The following PGD variants were observed in gnomAD, a reference collection of about 807,000 sequenced individuals.
PGD encodes the protein 6-phosphogluconate dehydrogenase, decarboxylating.
In PGD, 21 loss-of-function variants were observed where a neutral mutation model predicts 60.4. That is an observed-to-expected ratio of 0.35 (90% CI 0.25 to 0.50). PGD has a LOEUF of 0.50. PGD is among the 20% of genes least tolerant of loss of function. The pLI is 0.98. For missense variants in PGD, 477 were observed against 613.1 expected (o/e 0.78, Z 2.34); for synonymous variants, 230 against 235.9 (o/e 0.97, Z 0.23).
At chr1:10,418,998 G>GTT (rs560774763) in intron 11 of PGD, 73 bp downstream of exon 11, 1,090 of 671,624 alleles carry the variant, frequency 1.6e-3, no homozygotes, top group South Asian at 2.7e-3. Context: ...TTGGTTTTTT[G>GTT]TTTTTTTTTT....
At chr1:10,403,210 G>A (rs1246675170) in intron 4 of PGD, 74 bp downstream of exon 4, 1 of 1,006,458 alleles carries the variant, frequency 9.9e-7, no homozygotes, top group South Asian at 1.3e-5. Flanking sequence ...TCGCATATGT[G>A]ACAGTAGGGT....
At chr1:10,415,134 T>C (rs1291358669) in intron 8 of PGD, among the ~76,000 whole-genome samples, 4 of 152,116 alleles carry the variant, frequency 2.6e-5, no homozygotes, top group African/African-American at 9.7e-5. Flanking sequence ...AACAGAATTT[T>C]TCCTGTTTGC....
rs1353551888 is a variant in PGD, at chr1:10,400,127, A to C, written c.85-266A>C. On this transcript the variant is annotated intron_variant, in intron 2 of 12. Coordinates refer to ENST00000270776, the MANE Select transcript of PGD (RefSeq NM_002631.4). ...GCCTGTTGAACCGGCCAGTTCCTGG[A>C]TTTGATTTTGAGTCCTAACACGTTG... is the stretch of plus-strand genomic sequence containing the variant. 1.3e-5 allele frequency: 6 copies of C among 478,962 alleles called. No individual in the cohort carries two copies. The East Asian group carries it at 2.1e-4, about 16-fold the overall frequency. 29.7% of individuals were successfully genotyped at this position (478,962 alleles called of 1,614,324 possible). A position where few individuals can be genotyped will look rare whatever the true frequency, so the allele number is the denominator to read the frequency against.
At chr1:10,400,674 T>C in intron 3 of PGD, 102 bp downstream of exon 3, 1 of 866,190 alleles carries the variant, frequency 1.2e-6, no homozygotes, top group Non-Finnish European at 1.7e-6. Context: ...TTTTTTTCAA[T>C]TTCTGCTAAG....
intron 3 of PGD, among the ~76,000 whole-genome samples, chr1:10,401,042 T>G (rs1639307103): frequency 6.6e-6 from 1 of 152,154 alleles, no homozygotes; most frequent in South Asian, 2.1e-4. Flanking sequence ...CCGTCTCTAC[T>G]AAAAATATAA....
rs764606598 is a variant in PGD at position 10,400,517 on chromosome 1, G to A, written c.209G>A (p.Arg70Gln). 4.3e-6 allele frequency: 7 copies of A among 1,614,064 alleles called. No individual in the cohort carries two copies. The highest frequency in any genetic ancestry group is 3.3e-5 in the South Asian group (3 of 91,080). ...EMVSKLKKPRRIILLVKAGQA... is the reference protein window; with the variant it reads ...EMVSKLKKPRQIILLVKAGQA... ...GTCTCCAAGCTGAAGAAGCCCCGGC[G>A]GATCATCCTCCTGGTGAAGGCTGGG... Residue 70 changes from arginine to glutamine, a missense_variant, in exon 3 of 13, where the codon CGG becomes CAG. Transcript: ENST00000270776.
intron 5 of PGD, among the ~76,000 whole-genome samples, chr1:10,405,621 C>T (rs1485367581): frequency 6.6e-6 from 1 of 151,154 alleles, no homozygotes; most frequent in Non-Finnish European, 1.5e-5. Context: ...GGGAGGATCA[C>T]TTGAGGTCAG....
chr1:10,409,429 A>ACCT (rs983963466), intron 6 of PGD, among the ~76,000 whole-genome samples: 22 of 151,906 alleles, frequency 1.4e-4, no homozygotes, highest in African/African-American at 5.1e-4. Context: ...TTGGAAAGGG[A>ACCT]CCTCTGTTCC....
In PGD at chr1:10,418,828, T is replaced by C; in HGVS notation, c.1112T>C (p.Val371Ala). ...TTTTCCCCCCTTGATTATTTCAGTG[T>C]ATTCCTAGGAAAGATAAAGGATGCA... ...MWRGGCIIRS[V>A]FLGKIKDAFD... Residue 371 changes from valine (V) to alanine (A), a missense_variant and splice_region_variant, in exon 11 of 13, where the codon GTA (valine) becomes GCA (alanine). Transcript: ENST00000270776. 1.3e-6 allele frequency: 2 copies of C among 1,554,346 alleles called. No homozygotes were observed. Among genetic ancestry groups the C allele is most frequent in the Non-Finnish European group, 1.8e-6 (2 of 1,128,320 alleles).
At chr1:10,414,964 G>A (rs948811548) in intron 8 of PGD, among the ~76,000 whole-genome samples, 15 of 151,720 alleles carry the variant, frequency 9.9e-5, no homozygotes, top group African/African-American at 3.1e-4. Context: ...AGTGACCCGT[G>A]CCTGTAATCC....
chr1:10,400,637 T>C (rs1037591959), intron 3 of PGD, 65 bp downstream of exon 3: 1 of 1,298,886 alleles, frequency 7.7e-7, no homozygotes, highest in Non-Finnish European at 1.1e-6. Flanking sequence ...TTCCTTTAGT[T>C]CTCCTTCTTT....
intron 9 of PGD, 22 bp downstream of exon 9, chr1:10,417,139 T>TGG: frequency 6.2e-7 from 1 of 1,612,888 alleles, no homozygotes; most frequent in Non-Finnish European, 8.5e-7. Context: ...TCCCTGGCAG[T>TGG]GGTCTTTGTT....
At chr1:10,409,232 G>A (rs1639456732) in intron 6 of PGD, among the ~76,000 whole-genome samples, 1 of 152,162 alleles carries the variant, frequency 6.6e-6, no homozygotes, top group African/African-American at 2.4e-5. Flanking sequence ...AGGCCTTTGA[G>A]GAATCCGGGA....
intron 6 of PGD, among the ~76,000 whole-genome samples, chr1:10,411,129 A>G (rs1639492422): frequency 6.6e-6 from 1 of 152,168 alleles, no homozygotes; most frequent in Admixed American, 6.6e-5. Flanking sequence ...GAGAAAGAGT[A>G]GAAAATACAG....
Position 10,417,069 on chromosome 1 carries a change from G to T in PGD, c.927G>T (p.Lys309Asn). ...QASKKLKGPQ[K>N]FQFDGDKKSF... ...GCAAAAAGCTGAAGGGTCCCCAGAAGTTCCAGTTTGATGGTGATAAGAAAT... is the reference window on the plus strand; with the variant it reads ...GCAAAAAGCTGAAGGGTCCCCAGAATTTCCAGTTTGATGGTGATAAGAAAT... The change falls in exon 9 of 13, where the codon AAG (lysine) becomes AAT (asparagine). Residue 309 changes from lysine (K) to asparagine (N), a missense_variant. Coordinates refer to ENST00000270776, the MANE Select transcript of PGD (RefSeq NM_002631.4). 1 of 1,614,082 alleles carries T rather than the reference G, an allele frequency of 6.2e-7. No homozygotes were observed. The highest frequency in any genetic ancestry group is 1.6e-4 in the Middle Eastern group (1 of 6,062).
chr1:10,405,401 T>TACACAC lies in PGD; in HGVS notation c.449+1142_449+1147dup, dbSNP rs57033638. The stretch of plus-strand genomic sequence containing the variant: ...AAAACAAAACAAAACAAACAAAAAA[T>TACACAC]ACACACACACACACACACACACACA... On this transcript the variant is annotated intron_variant, in intron 5 of 12. Coordinates refer to ENST00000270776, the MANE Select transcript of PGD (RefSeq NM_002631.4). 2.1e-3 allele frequency among the ~76,000 whole-genome samples: 227 copies of TACACAC among 108,504 alleles called. 1 individual carries two copies. Among genetic ancestry groups the TACACAC allele is most frequent in the African/African-American group, 6.0e-3 (209 of 34,904 alleles). 71.2% of individuals were successfully genotyped at this position (108,504 alleles called of 152,430 possible).
intron 8 of PGD, among the ~76,000 whole-genome samples, chr1:10,413,798 A>G (rs1244565305): frequency 6.6e-6 from 1 of 152,092 alleles, no homozygotes; most frequent in African/African-American, 2.4e-5. Context: ...CCAGCCACTC[A>G]GGAGGCTGAG....
chr1:10,412,269 C>T (rs974141109), intron 7 of PGD, among the ~76,000 whole-genome samples: 12 of 152,214 alleles, frequency 7.9e-5, no homozygotes, highest in Admixed American at 2.0e-4. Flanking sequence ...AAGGCCTTCT[C>T]GTTAAGTATG....
chr1:10,411,990 A>T (rs1322209556), intron 7 of PGD, among the ~76,000 whole-genome samples: 1 of 152,228 alleles, frequency 6.6e-6, no homozygotes, highest in Non-Finnish European at 1.5e-5. Flanking sequence ...CATGCAGCAC[A>T]GAAGTTTGAG....
Sources: gnomAD v4.1 joint callset for allele counts (sites outside exome capture counted in the v4.1 genomes callset) on GRCh38, gnomAD v4.1.1 for gene constraint, MANE v1.5 for transcripts, NCBI Gene and HGNC (gene_info 2026-07-23, HGNC 2026-07-21) for gene names.